Variants in ANKDD1A observed in about 807,000 individuals in gnomAD.
ANKDD1A encodes ankyrin repeat and death domain containing 1A.
Under a neutral mutation model 63.5 loss-of-function variants are expected in ANKDD1A, and 59 were observed. The ratio of observed to expected loss-of-function variants is 0.93; its 90% CI spans 0.75 to 1.15. ANKDD1A has a LOEUF of 1.15. Ranked by LOEUF, ANKDD1A falls within the 50% of genes most tolerant of loss-of-function variation. ANKDD1A has a pLI of 0.00. For synonymous variants in ANKDD1A, 266 were observed against 263.9 expected (o/e 1.01, Z -0.08); for missense variants, 632 against 656.4 (o/e 0.96, Z 0.41).
chr15:64,942,664 A>T, intron 10 of ANKDD1A, 99 bp downstream of exon 10: 43 of 640,692 alleles, frequency 6.7e-5, no homozygotes, highest in Middle Eastern at 3.3e-4. Flanking sequence ...CCCAGAGTTG[A>T]GGAATCACTT....
At chr15:64,920,737 C>G (rs1183070785) in intron 3 of ANKDD1A, among the ~76,000 whole-genome samples, 1 of 151,866 alleles carries the variant, frequency 6.6e-6, no homozygotes, top group Admixed American at 6.6e-5. Context: ...TTTATAGAGA[C>G]AGGTCTCATT....
At chr15:64,934,500 CTTT>C (rs546780732) in intron 9 of ANKDD1A, among the ~76,000 whole-genome samples, 3 of 125,618 alleles carry the variant, frequency 2.4e-5, no homozygotes, top group Admixed American at 8.0e-5. Flanking sequence ...TTTTTCTTTT[CTTT>C]TTTTTTTTTT....
In ANKDD1A at chr15:64,934,176, C is replaced by G. The variant is rs148267097; in HGVS notation, c.809C>G (p.Ser270Trp). The G allele has an allele frequency of 4.3e-6, 7 of 1,612,226 alleles. No individual in the cohort carries two copies. The African/African-American group carries it at 9.3e-5, about 22-fold the overall frequency. Reference protein sequence around the residue: ...SCLHYAALSGSEDVSRVLIHA... With the variant: ...SCLHYAALSGWEDVSRVLIHA... ...CTTCACTATGCAGCCCTCAGTGGCT[C>G]GGAGGATGTGTCTCGGGTCCTCATC... Residue 270 changes from serine to tryptophan, a missense_variant, in exon 9 of 15, where the codon TCG (serine) becomes TGG (tryptophan). Physicochemically the swap from Ser to Trp is radical, Grantham distance 177. Coordinates refer to ENST00000319580, the MANE Select transcript of ANKDD1A (RefSeq NM_182703.6).
At chr15:64,917,283 CCCTT>C in intron 2 of ANKDD1A, 99 bp from the exon 3 acceptor site, 1 of 1,402,992 alleles carries the variant, frequency 7.1e-7, no homozygotes. Flanking sequence ...CCAGCAAAGA[CCCTT>C]CCAGCCTGCA....
Position 64,926,090 on chromosome 15 carries a change from G to T in ANKDD1A, c.391G>T (p.Ala131Ser), listed in dbSNP as rs370698584. The change falls in exon 5 of 15, where the codon GCA (alanine) becomes TCA (serine). Residue 131 changes from alanine to serine, a missense_variant. Transcript: ENST00000319580. ...SKDGLTLLHC[A>S]AQKGHVPVLA... ...GGATGGCCTGACCTTACTGCACTGCGCAGCCCAAAAAGGCCATGTGCCTGT... is the reference window on the plus strand; with the variant it reads ...GGATGGCCTGACCTTACTGCACTGCTCAGCCCAAAAAGGCCATGTGCCTGT... 1.1e-5 allele frequency: 17 copies of T among 1,613,686 alleles called. No individual in the cohort carries two copies. The highest frequency in any genetic ancestry group is 1.4e-5 in the Non-Finnish European group (17 of 1,179,946).
At chr15:64,950,641 G>C in intron 14 of ANKDD1A, 2 of 984,632 alleles carry the variant, frequency 2.0e-6, no homozygotes, top group Non-Finnish European at 2.4e-6. Flanking sequence ...TTAGATATGA[G>C]GCAACAAAGA....
chr15:64,920,623 C>T (rs907922183), intron 3 of ANKDD1A, among the ~76,000 whole-genome samples: 1 of 152,082 alleles, frequency 6.6e-6, no homozygotes, highest in Non-Finnish European at 1.5e-5. Flanking sequence ...GCAATTTTGG[C>T]TCACCATAAG....
intron 14 of ANKDD1A, among the ~76,000 whole-genome samples, chr15:64,953,529 T>TCC (rs2085344123): frequency 5.4e-5 from 6 of 110,206 alleles, no homozygotes; most frequent in East Asian, 3.2e-4. Context: ...TTCTTCCTTC[T>TCC]TCTCCTCTCC....
chr15:64,956,252 T>G (rs1595862359), intron 14 of ANKDD1A, among the ~76,000 whole-genome samples: 2 of 142,140 alleles, frequency 1.4e-5, no homozygotes, highest in African/African-American at 5.1e-5. Flanking sequence ...TCTTTTTTTT[T>G]GAAACAGTTT....
intron 9 of ANKDD1A, among the ~76,000 whole-genome samples, chr15:64,941,573 G>A (rs1431250334): frequency 6.6e-6 from 1 of 152,098 alleles, no homozygotes; most frequent in Non-Finnish European, 1.5e-5. Context: ...ATACCCACTG[G>A]CCTAAACTAA....
At chr15:64,947,089 G>A (rs897944614) in intron 12 of ANKDD1A, among the ~76,000 whole-genome samples, 12 of 152,152 alleles carry the variant, frequency 7.9e-5, no homozygotes, top group African/African-American at 1.2e-4. Context: ...GCAGGTGACC[G>A]GAGGAATCTG....
chr15:64,931,959 T>A (rs538380965), intron 8 of ANKDD1A: 18 of 313,830 alleles, frequency 5.7e-5, no homozygotes, highest in East Asian at 4.3e-4. Context: ...AATGGTGCGA[T>A]CTTGGCTCAC....
At chr15:64,928,561 T>C (rs79422026) in intron 6 of ANKDD1A, among the ~76,000 whole-genome samples, 5,197 of 152,348 alleles carry the variant, frequency 0.034, 147 homozygotes, top group Middle Eastern at 0.054. Context: ...CAGTTTCATC[T>C]GGGAGTGGGG....
intron 14 of ANKDD1A, among the ~76,000 whole-genome samples, chr15:64,953,496 G>C (rs61727439): frequency 3.7e-4 from 22 of 59,912 alleles, no homozygotes; most frequent in African/African-American, 1.2e-3. Context: ...TTCTTCTTTA[G>C]TTCTTCCTCC....
chr15:64,954,748 TTCTTTCTTTTTG>T (rs1282867196), intron 14 of ANKDD1A, among the ~76,000 whole-genome samples: 7 of 123,260 alleles, frequency 5.7e-5, no homozygotes, highest in Non-Finnish European at 1.3e-4. Flanking sequence ...CTTCTCCTTC[TTCTTTCTTTTTG>T]TTCTTCTTTC....
At chr15:64,949,690 CTG>C in intron 13 of ANKDD1A, 149 bp from the exon 14 acceptor site, 1 of 1,190,734 alleles carries the variant, frequency 8.4e-7, no homozygotes, top group Non-Finnish European at 1.2e-6. Context: ...CTGAGCTTGG[CTG>C]GAGCATGGAG....
At position 64,950,607 on chromosome 15, in the gene ANKDD1A, C is replaced by T. The variant is rs2085261716; in HGVS notation, c.1483+635C>T. 5 of 985,406 alleles carry T rather than the reference C, an allele frequency of 5.1e-6. No homozygotes were observed. In the South Asian group the frequency reaches 2.3e-4, roughly 46 times the overall value. The allele number at this position is 985,406 out of a possible 1,614,324, so 61.0% of individuals were successfully genotyped here. A position where few individuals can be genotyped will look rare whatever the true frequency, so the allele number is the denominator to read the frequency against. Reference sequence around the variant, plus strand: ...AACCACAGAATGGGGCACTAGGCAGCCACTGATAGTTGTGAAGTCTCCATT... The same window carrying T: ...AACCACAGAATGGGGCACTAGGCAGTCACTGATAGTTGTGAAGTCTCCATT... On this transcript the variant is annotated intron_variant, in intron 14 of 14. Coordinates refer to ENST00000319580, the MANE Select transcript of ANKDD1A (RefSeq NM_182703.6).
chr15:64,950,357 A>AT (rs971464436), intron 14 of ANKDD1A: 2 of 985,422 alleles, frequency 2.0e-6, no homozygotes, highest in Admixed American at 6.1e-5. Context: ...CTGACTTAAT[A>AT]TGAGTTGAAC....
intron 9 of ANKDD1A, among the ~76,000 whole-genome samples, chr15:64,936,831 G>A (rs934461551): frequency 7.9e-5 from 12 of 151,940 alleles, no homozygotes; most frequent in African/African-American, 2.9e-4. Context: ...GTAACAGAGT[G>A]AGACCTTATC....
Sources: gnomAD v4.1 joint callset for allele counts (sites outside exome capture counted in the v4.1 genomes callset) on GRCh38, gnomAD v4.1.1 for gene constraint, MANE v1.5 for transcripts, NCBI Gene and HGNC (gene_info 2026-07-23, HGNC 2026-07-21) for gene names.